The following DIAPH2 variants were observed in gnomAD, a reference collection of about 807,000 sequenced individuals.
DIAPH2 encodes the protein diaphanous related formin 2.
A neutral mutation model predicts 92.7 loss-of-function variants in DIAPH2; 35 were observed. The observed-to-expected ratio is 0.38, with a 90% CI of 0.29 to 0.50. The LOEUF (loss-of-function observed/expected upper bound fraction) is 0.50. DIAPH2 is among the 20% of genes least tolerant of loss of function. The pLI, the probability that DIAPH2 is intolerant of heterozygous loss-of-function variation, is 0.94. For missense variants in DIAPH2, 701 were observed against 819.5 expected, an observed-to-expected ratio of 0.86 and a Z score of 1.77; for synonymous variants, 301 against 280.4, an observed-to-expected ratio of 1.07 and a Z score of -0.73.
intron 17 of DIAPH2, among the ~76,000 whole-genome samples, chrX:96,973,313 C>T (rs2147833363): frequency 9.0e-6 from 1 of 111,674 alleles, no homozygotes; most frequent in South Asian, 3.8e-4. Context: ...GCCTGGGCAA[C>T]ATAGTGAGAC....
intron 15 of DIAPH2, among the ~76,000 whole-genome samples, chrX:96,950,485 C>A (rs2065767351): frequency 9.0e-6 from 1 of 111,502 alleles, no homozygotes; most frequent in African/African-American, 3.3e-5. Flanking sequence ...CTTTTCCCTG[C>A]CCCACCCACT....
chrX:96,957,879 C>T lies in DIAPH2; in HGVS notation c.1666C>T (p.Pro556Ser), dbSNP rs774253144. The T allele has an allele frequency of 1.2e-4, 140 of 1,209,010 alleles. No individual in the cohort carries two copies. The East Asian group carries it at 4.1e-3, about 35-fold the overall frequency. Reference protein sequence around the residue: ...SGIPGPPAAPPLPGVGPPPPP... With the variant: ...SGIPGPPAAPSLPGVGPPPPP... ...AATTCCAGGTCCTCCTGCAGCACCT[C>T]CATTGCCAGGTGTAGGGCCGCCTCC... The change falls in exon 16 of 27, where the codon CCA (proline) becomes TCA (serine). Residue 556 changes from proline (P) to serine (S), a missense_variant. Physicochemically the swap from Pro to Ser is moderately conservative, Grantham distance 74 (BLOSUM62 -1). This residue lies in a region of DIAPH2 where 536 missense variants were observed against 599.3 expected (regional missense o/e 0.89). Coordinates refer to ENST00000324765, the MANE Select transcript of DIAPH2 (RefSeq NM_006729.5).
intron 24 of DIAPH2, among the ~76,000 whole-genome samples, chrX:97,361,036 ATCT>A (rs1220404012): frequency 4.7e-5 from 5 of 106,518 alleles, no homozygotes; most frequent in Admixed American, 1.0e-4. Flanking sequence ...TGCTCGGCTA[ATCT>A]TCTTCTTCTT....
intron 5 of DIAPH2, among the ~76,000 whole-genome samples, chrX:96,909,758 A>T (rs1033689910): frequency 5.4e-5 from 6 of 110,667 alleles, no homozygotes; most frequent in Non-Finnish European, 7.6e-5. Flanking sequence ...ATTGTATCTT[A>T]TTTTTTTTAA....
intron 22 of DIAPH2, among the ~76,000 whole-genome samples, chrX:97,230,089 A>G (rs1392276345): frequency 9.1e-6 from 1 of 110,288 alleles, no homozygotes; most frequent in Non-Finnish European, 1.9e-5. Context: ...ATCTTGCTCT[A>G]TAAAAGTATT....
intron 25 of DIAPH2, among the ~76,000 whole-genome samples, chrX:97,398,046 G>T (rs1009466251): frequency 2.7e-5 from 3 of 112,234 alleles, no homozygotes; most frequent in Non-Finnish European, 5.6e-5. Context: ...AATGAAAAGT[G>T]TATGTCTCAG....
At chrX:97,443,305 C>T (rs1347738409) in intron 26 of DIAPH2, among the ~76,000 whole-genome samples, 5 of 111,730 alleles carry the variant, frequency 4.5e-5, no homozygotes, top group African/African-American at 1.6e-4. Flanking sequence ...TCCGGGAAGC[C>T]TTTTAAAGTT....
chrX:96,826,219 C>T (rs1244610719), intron 4 of DIAPH2, among the ~76,000 whole-genome samples: 1 of 110,200 alleles, frequency 9.1e-6, no homozygotes, highest in Admixed American at 9.7e-5. Context: ...GAATTCGAGA[C>T]CAGCCTGGCC....
At chrX:96,735,678 T>A in intron 1 of DIAPH2, 80 bp from the exon 2 acceptor site, 1 of 569,959 alleles carries the variant, frequency 1.8e-6, no homozygotes, top group Non-Finnish European at 2.9e-6. Context: ...ATGAAAATTA[T>A]TAAATTATTT....
At chrX:97,546,238 G>C (rs755909894) in intron 26 of DIAPH2, among the ~76,000 whole-genome samples, 26 of 111,624 alleles carry the variant, frequency 2.3e-4, no homozygotes, top group African/African-American at 7.8e-4. Flanking sequence ...GTCTCTAAAA[G>C]CAAACTGTCC....
chrX:96,720,924 A>C (rs1418544682), intron 1 of DIAPH2, among the ~76,000 whole-genome samples: 3 of 111,643 alleles, frequency 2.7e-5, no homozygotes, highest in Non-Finnish European at 5.7e-5. Context: ...TTTTAGTAAC[A>C]TGTTATACAT....
chrX:97,430,093 T>C (rs2070110582), intron 26 of DIAPH2, among the ~76,000 whole-genome samples: 1 of 111,799 alleles, frequency 8.9e-6, no homozygotes. Flanking sequence ...TAATTGGCCC[T>C]AAGGAGATCA....
chrX:96,900,717 G>T (rs1197864874), intron 5 of DIAPH2, among the ~76,000 whole-genome samples: 1 of 111,782 alleles, frequency 8.9e-6, no homozygotes, highest in Non-Finnish European at 1.9e-5. Context: ...TGATGATATG[G>T]TTTTTGTTTT....
intron 5 of DIAPH2, among the ~76,000 whole-genome samples, chrX:96,883,386 GTT>G (rs748718266): frequency 9.9e-6 from 1 of 101,264 alleles, no homozygotes; most frequent in Non-Finnish European, 2.0e-5. Context: ...TTTGTTTTTT[GTT>G]TTTTTTTTTG....
At chrX:97,454,435 A>G (rs989470398) in intron 26 of DIAPH2, among the ~76,000 whole-genome samples, 1 of 112,195 alleles carries the variant, frequency 8.9e-6, no homozygotes, top group South Asian at 3.7e-4. Flanking sequence ...AAAAAATTGG[A>G]GTGAAATACA....
chrX:97,022,016 G>A (rs2066301708), intron 17 of DIAPH2, among the ~76,000 whole-genome samples: 1 of 112,047 alleles, frequency 8.9e-6, no homozygotes, highest in South Asian at 3.7e-4. Context: ...GGGAATAACA[G>A]GGAAAGAAAA....
chrX:97,342,847 T>C (rs950382919), intron 23 of DIAPH2, among the ~76,000 whole-genome samples: 1 of 112,056 alleles, frequency 8.9e-6, no homozygotes, highest in Admixed American at 9.5e-5. Flanking sequence ...GGGGAAAGCC[T>C]CTATGAGGAA....
chrX:97,270,079 C>T (rs1353865789), intron 23 of DIAPH2, among the ~76,000 whole-genome samples: 2 of 110,960 alleles, frequency 1.8e-5, no homozygotes, highest in African/African-American at 6.6e-5. Context: ...TATAGGCACC[C>T]GCCACCATGC....
At chrX:97,361,474 T>G (rs1341769279) in intron 24 of DIAPH2, among the ~76,000 whole-genome samples, 1 of 112,116 alleles carries the variant, frequency 8.9e-6, no homozygotes, top group East Asian at 2.8e-4. Flanking sequence ...CACTAGCATA[T>G]TTTGATGTTT....
Sources: gnomAD v4.1 joint callset for allele counts (sites outside exome capture counted in the v4.1 genomes callset) on GRCh38, gnomAD v4.1.1 for gene constraint, gnomAD v4.1.1 regional missense constraint, MANE v1.5 for transcripts, NCBI Gene and HGNC (gene_info 2026-07-23, HGNC 2026-07-21) for gene names.